Variants in DLG2 observed in about 807,000 individuals in gnomAD.
The protein encoded by DLG2 is disks large homolog 2.
Under a neutral mutation model 132.5 loss-of-function variants are expected in DLG2, and 45 were observed. That is an observed-to-expected ratio of 0.34 (90% CI 0.27 to 0.44). The LOEUF is 0.44. Among genes scored for constraint, DLG2 ranks in the 20% least tolerant of loss-of-function variants. The pLI, the probability that DLG2 is intolerant of heterozygous loss-of-function variation, is 1.00. For synonymous variants in DLG2, 424 were observed against 419.6 expected (o/e 1.01, Z -0.13); for missense variants, 1,045 against 1,196.9 (o/e 0.87, Z 1.87).
At chr11:84,322,530 C>T (rs1214113683) in intron 7 of DLG2, among the ~76,000 whole-genome samples, 3 of 152,176 alleles carry the variant, frequency 2.0e-5, no homozygotes, top group Non-Finnish European at 4.4e-5. Context: ...TGAAGAGAAT[C>T]CTAAACTCCA....
chr11:83,893,239 T>C (rs1300202631), intron 15 of DLG2, among the ~76,000 whole-genome samples: 1 of 152,246 alleles, frequency 6.6e-6, no homozygotes, highest in Non-Finnish European at 1.5e-5. Flanking sequence ...CTGACCAAGA[T>C]TGTTTTCAAG....
chr11:85,238,225 A>G, intron 4 of DLG2, among the ~76,000 whole-genome samples: 1 of 138,812 alleles, frequency 7.2e-6, no homozygotes. Flanking sequence ...TTATTTATTT[A>G]TTTATTTATT....
At chr11:83,978,999 C>A (rs992984523) in intron 12 of DLG2, among the ~76,000 whole-genome samples, 10 of 152,006 alleles carry the variant, frequency 6.6e-5, no homozygotes, top group Non-Finnish European at 1.3e-4. Flanking sequence ...CATCTCAATT[C>A]TTTTTTGCTT....
At chr11:84,105,896 C>T (rs749978123) in intron 9 of DLG2, among the ~76,000 whole-genome samples, 1 of 152,062 alleles carries the variant, frequency 6.6e-6, no homozygotes, top group African/African-American at 2.4e-5. Context: ...TATATTTGTT[C>T]CAGCAAAGCC....
intron 7 of DLG2, among the ~76,000 whole-genome samples, chr11:84,412,795 C>G (rs1329129730): frequency 6.6e-6 from 1 of 152,106 alleles, no homozygotes; most frequent in Non-Finnish European, 1.5e-5. Context: ...TAGAGTTTTG[C>G]CTTGGCTGAC....
chr11:84,248,898 T>A (rs2097337230), intron 8 of DLG2, among the ~76,000 whole-genome samples: 1 of 152,096 alleles, frequency 6.6e-6, no homozygotes, highest in South Asian at 2.1e-4. Flanking sequence ...AAAAGATGAT[T>A]AAAAATAATT....
chr11:84,805,252 T>C (rs2075858743), intron 6 of DLG2, among the ~76,000 whole-genome samples: 1 of 152,082 alleles, frequency 6.6e-6, no homozygotes, highest in Non-Finnish European at 1.5e-5. Flanking sequence ...AGAGACAGCA[T>C]GGGAAACTGG....
At chr11:84,466,303 T>C (rs2099094172) in intron 7 of DLG2, among the ~76,000 whole-genome samples, 1 of 151,276 alleles carries the variant, frequency 6.6e-6, no homozygotes, top group South Asian at 2.1e-4. Context: ...CTTTTGTAAC[T>C]ATGATGCAAA....
chr11:85,227,965 G>A (rs2075074456), intron 4 of DLG2, among the ~76,000 whole-genome samples: 1 of 152,038 alleles, frequency 6.6e-6, no homozygotes, highest in African/African-American at 2.4e-5. Context: ...GGCATCAGAA[G>A]GTGGTACCTT....
At chr11:85,605,484 C>G (rs553828146) in intron 2 of DLG2, among the ~76,000 whole-genome samples, 1 of 152,210 alleles carries the variant, frequency 6.6e-6, no homozygotes, top group South Asian at 2.1e-4. Context: ...ATGGTCCTAC[C>G]TTTATAAGTC....
chr11:85,054,014 C>T lies in DLG2; in HGVS notation c.357+57647G>A, dbSNP rs1593300853. 2.0e-5 allele frequency among the ~76,000 whole-genome samples: 3 copies of T among 152,082 alleles called. No individual in the cohort carries two copies. In the East Asian group the frequency reaches 5.8e-4, roughly 30 times the overall value. ...AGGCACGGTGGCTCAGGCCTGTAAT[C>T]CCAGAGCTTTGGGAGGCTGAGGCGG... On this transcript the variant is annotated intron_variant, in intron 6 of 27. Transcript: ENST00000376104.
chr11:84,666,940 T>C (rs2099700326), intron 6 of DLG2, among the ~76,000 whole-genome samples: 1 of 152,152 alleles, frequency 6.6e-6, no homozygotes, highest in African/African-American at 2.4e-5. Context: ...ATCAGCTTCA[T>C]TTCATGGTAG....
intron 20 of DLG2, among the ~76,000 whole-genome samples, chr11:83,538,375 C>A (rs1056477794): frequency 1.3e-5 from 2 of 152,210 alleles, no homozygotes; most frequent in African/African-American, 4.8e-5. Context: ...AGCCCCAAAC[C>A]TTTGCAGTTG....
At chr11:84,508,600 G>A (rs1036911793) in intron 7 of DLG2, among the ~76,000 whole-genome samples, 3 of 151,718 alleles carry the variant, frequency 2.0e-5, no homozygotes, top group Admixed American at 1.3e-4. Flanking sequence ...GGGTTTCACC[G>A]TGTTGGCCAG....
chr11:84,180,228 G>C (rs1478952583), intron 8 of DLG2, among the ~76,000 whole-genome samples: 1 of 152,082 alleles, frequency 6.6e-6, no homozygotes, highest in Non-Finnish European at 1.5e-5. Flanking sequence ...AGGTAATATA[G>C]TAAAGAAATG....
Position 84,858,693 on chromosome 11 carries a change from T to G in DLG2, c.357+252968A>C, listed in dbSNP as rs115090472. ...CAAGTACTCAATTACTTGAGACAAG[T>G]ACTCAAACAAGTCTCAAGAATTACA... On this transcript the variant is annotated intron_variant, in intron 6 of 27. Transcript: ENST00000376104. 4.8e-3 allele frequency among the ~76,000 whole-genome samples: 724 copies of G among 152,172 alleles called. 10 individuals carry two copies. Among genetic ancestry groups the G allele is most frequent in the African/African-American group, 0.017 (698 of 41,554 alleles).
intron 7 of DLG2, among the ~76,000 whole-genome samples, chr11:84,392,987 A>G (rs767965324): frequency 5.5e-4 from 83 of 152,182 alleles, no homozygotes; most frequent in Admixed American, 1.6e-3. Context: ...AAAAGTATGG[A>G]TGCAAATAAA....
chr11:84,512,280 C>G (rs1165964461), intron 7 of DLG2, among the ~76,000 whole-genome samples: 1 of 152,118 alleles, frequency 6.6e-6, no homozygotes, highest in African/African-American at 2.4e-5. Context: ...AAGTCTCTGC[C>G]TGTCCACAGA....
chr11:85,211,738 C>A (rs890224387), intron 4 of DLG2, among the ~76,000 whole-genome samples: 3 of 152,058 alleles, frequency 2.0e-5, no homozygotes, highest in South Asian at 2.1e-4. Context: ...ATTTATGATA[C>A]CCTCACTACT....
Sources: gnomAD v4.1 joint callset for allele counts (sites outside exome capture counted in the v4.1 genomes callset) on GRCh38, gnomAD v4.1.1 for gene constraint, MANE v1.5 for transcripts, NCBI Gene and HGNC (gene_info 2026-07-23, HGNC 2026-07-21) for gene names.